Variants in RANBP17 observed in about 807,000 individuals in gnomAD.
RANBP17 encodes the protein RAN binding protein 17.
RANBP17 carries 158 observed loss-of-function variants against 141.2 expected under a neutral mutation model. The observed-to-expected ratio is 1.12, with a 90% CI of 0.98 to 1.28. The LOEUF (loss-of-function observed/expected upper bound fraction) is 1.28. Ranked by LOEUF, RANBP17 falls within the 50% of genes most tolerant of loss-of-function variation. RANBP17 has a pLI of 0.00. For missense variants in RANBP17, 1,438 were observed against 1,290.7 expected (o/e 1.11, Z -1.75); for synonymous variants, 430 against 450.0 (o/e 0.96, Z 0.56).
chr5:171,081,774 AG>A (rs1410607707), intron 14 of RANBP17, among the ~76,000 whole-genome samples: 1 of 152,184 alleles, frequency 6.6e-6, no homozygotes, highest in African/African-American at 2.4e-5. Context: ...ATTTTTATAA[AG>A]GAAATAAGAT....
At chr5:171,224,292 T>C (rs1348780868) in intron 22 of RANBP17, among the ~76,000 whole-genome samples, 1 of 152,250 alleles carries the variant, frequency 6.6e-6, no homozygotes, top group African/African-American at 2.4e-5. Context: ...AGTAGAACTT[T>C]AACTATGCAT....
chr5:170,893,752 C>G (rs1016896488), intron 4 of RANBP17, among the ~76,000 whole-genome samples: 3 of 150,644 alleles, frequency 2.0e-5, no homozygotes, highest in Admixed American at 1.3e-4. Context: ...GAGATTGCGC[C>G]ACTGCACTCC....
chr5:171,293,848 A>G (rs1162126434), intron 25 of RANBP17, 35 bp from the exon 26 acceptor site: 2 of 1,483,440 alleles, frequency 1.3e-6, no homozygotes, highest in Admixed American at 3.3e-5. Context: ...CTCTGAGACA[A>G]GGCATCTCAA....
At chr5:171,241,267 C>T in intron 23 of RANBP17, 125 bp downstream of exon 23, 2 of 645,094 alleles carry the variant, frequency 3.1e-6, no homozygotes, top group South Asian at 2.5e-5. Context: ...AGACAGCATA[C>T]TTGATCTAAC....
rs573828330 is a variant in RANBP17, at chr5:171,200,063, T to G, written c.2142+290T>G. 1.1e-4 allele frequency among the ~76,000 whole-genome samples: 17 copies of G among 152,286 alleles called. No homozygotes were observed. The South Asian group carries it at 3.3e-3, about 30-fold the overall frequency. Reference sequence around the variant, plus strand: ...GGATATTTCTTGTGGGTACACCACTTTAAACACCCCTATTCCCTCATCTAT... The same window carrying G: ...GGATATTTCTTGTGGGTACACCACTGTAAACACCCCTATTCCCTCATCTAT... On this transcript the variant is annotated intron_variant, in intron 19 of 27. Coordinates refer to ENST00000523189, the MANE Select transcript of RANBP17 (RefSeq NM_022897.5).
chr5:170,940,049 A>G (rs1774203369), intron 12 of RANBP17, among the ~76,000 whole-genome samples: 1 of 152,250 alleles, frequency 6.6e-6, no homozygotes, highest in South Asian at 2.1e-4. Flanking sequence ...TGTTCCAGAT[A>G]TGTTATTAAT....
At chr5:171,251,775 C>G in intron 24 of RANBP17, 1 of 1,071,972 alleles carries the variant, frequency 9.3e-7, no homozygotes, top group Middle Eastern at 3.0e-4. Context: ...GCGCCCGCCC[C>G]CGCCTCTGTG....
chr5:171,240,304 G>A (rs775146591), intron 22 of RANBP17, among the ~76,000 whole-genome samples: 14 of 152,132 alleles, frequency 9.2e-5, no homozygotes, highest in Admixed American at 2.0e-4. Flanking sequence ...GATGGTCAAC[G>A]CAGAATTTAA....
rs1485347427 is a variant in RANBP17, at chr5:170,915,662, A to G, written c.835-803A>G. Among the ~76,000 whole-genome samples the G allele has an allele frequency of 2.6e-5, 4 of 152,050 alleles. No individual in the cohort carries two copies. The East Asian group carries it at 7.7e-4, about 29-fold the overall frequency. On this transcript the variant is annotated intron_variant, in intron 8 of 27. Coordinates refer to ENST00000523189, the MANE Select transcript of RANBP17 (RefSeq NM_022897.5). ...CTACCTTTTCCAGCACCATTTTCAG[A>G]CCATTTTTTAAGATGCTAATAGATG...
chr5:171,273,528 TAAG>T (rs369773635), intron 25 of RANBP17, among the ~76,000 whole-genome samples: 3 of 152,332 alleles, frequency 2.0e-5, no homozygotes, highest in East Asian at 3.9e-4. Flanking sequence ...TGTTGCCTTA[TAAG>T]AAGGTCAGAC....
intron 14 of RANBP17, among the ~76,000 whole-genome samples, chr5:171,070,614 AAGC>A (rs1784577123): frequency 6.6e-6 from 1 of 152,242 alleles, no homozygotes; most frequent in South Asian, 2.1e-4. Flanking sequence ...GAAGATTCAA[AAGC>A]AGGTCAATGT....
intron 14 of RANBP17, among the ~76,000 whole-genome samples, chr5:171,165,449 A>G (rs1311793877): frequency 6.6e-6 from 1 of 152,164 alleles, no homozygotes; most frequent in African/African-American, 2.4e-5. Context: ...AAGTGCTGGG[A>G]TTATAGGCAT....
chr5:170,917,961 G>A (rs900915500), intron 9 of RANBP17, among the ~76,000 whole-genome samples: 4 of 152,108 alleles, frequency 2.6e-5, no homozygotes, highest in Non-Finnish European at 5.9e-5. Flanking sequence ...TCCTATGAAT[G>A]AAATTGCTTA....
chr5:171,152,187 A>G (rs533093095), intron 14 of RANBP17, among the ~76,000 whole-genome samples: 8 of 151,670 alleles, frequency 5.3e-5, no homozygotes, highest in Admixed American at 5.3e-4. Flanking sequence ...CCGAGGCAGG[A>G]GGATCACTTG....
intron 18 of RANBP17, among the ~76,000 whole-genome samples, chr5:171,186,750 A>G (rs1007840031): frequency 1.2e-4 from 18 of 149,726 alleles, no homozygotes; most frequent in African/African-American, 4.2e-4. Context: ...TTTAGCCGGG[A>G]TGGTCTCGAT....
At chr5:170,989,580 A>G (rs1254698607) in intron 14 of RANBP17, among the ~76,000 whole-genome samples, 1 of 151,802 alleles carries the variant, frequency 6.6e-6, no homozygotes, top group Non-Finnish European at 1.5e-5. Context: ...TTTTGGTAGG[A>G]TAAGTGTAAG....
intron 14 of RANBP17, among the ~76,000 whole-genome samples, chr5:170,971,769 CT>C (rs1003330391): frequency 2.0e-5 from 3 of 152,168 alleles, no homozygotes; most frequent in African/African-American, 7.2e-5. Flanking sequence ...TTTAGCCTCA[CT>C]TTCACTGCTT....
At chr5:170,877,195 G>A (rs1768254130) in intron 1 of RANBP17, among the ~76,000 whole-genome samples, 1 of 152,076 alleles carries the variant, frequency 6.6e-6, no homozygotes, top group African/African-American at 2.4e-5. Flanking sequence ...ATGGGATCAA[G>A]TCAAAGTTCC....
At chr5:171,214,988 C>T (rs1040846217) in intron 21 of RANBP17, among the ~76,000 whole-genome samples, 22 of 152,026 alleles carry the variant, frequency 1.4e-4, no homozygotes, top group African/African-American at 4.8e-4. Flanking sequence ...CCTATCAACC[C>T]AACCCATCAC....
Sources: gnomAD v4.1 joint callset for allele counts (sites outside exome capture counted in the v4.1 genomes callset) on GRCh38, gnomAD v4.1.1 for gene constraint, MANE v1.5 for transcripts, NCBI Gene and HGNC (gene_info 2026-07-23, HGNC 2026-07-21) for gene names.